Variants in ALDH3A1 observed in about 807,000 individuals in gnomAD.
ALDH3A1 encodes the protein aldehyde dehydrogenase 3 family member A1.
ALDH3A1 carries 46 observed loss-of-function variants against 49.9 expected under a neutral mutation model. That is an observed-to-expected ratio of 0.92 (90% CI 0.73 to 1.18). The LOEUF (loss-of-function observed/expected upper bound fraction) is 1.18. Among genes scored for constraint, ALDH3A1 ranks in the 50% most tolerant of loss-of-function variants. The probability of loss-of-function intolerance (pLI) is 0.00; values close to 1 mark genes in which losing one functional copy is unlikely to be tolerated. For synonymous variants in ALDH3A1, 269 were observed against 253.3 expected, an observed-to-expected ratio of 1.06 and a Z score of -0.59; for missense variants, 592 against 611.8, an observed-to-expected ratio of 0.97 and a Z score of 0.34.
In ALDH3A1 at chr17:19,743,082, A is replaced by G; in HGVS notation, c.394+150T>C. ...ACCTCAGGCACCAAGAGGCCTGGCT[A>G]AACAGCTTGGTCCCCACAGCCTCCT... On this transcript the variant is annotated intron_variant, in intron 3 of 10. Transcript: ENST00000225740. The surrounding 1 kb of genome is among the most constrained non-coding windows in gnomAD (Gnocchi z 4.4). 1 of 1,534,742 alleles carries G rather than the reference A, an allele frequency of 6.5e-7. No homozygotes were observed. The highest frequency in any genetic ancestry group is 8.7e-7 in the Non-Finnish European group (1 of 1,146,384).
chr17:19,739,557 T>C lies in ALDH3A1; in HGVS notation c.1067A>G (p.Asn356Ser). Residue 356 changes from asparagine to serine, a missense_variant, in exon 8 of 11, where the codon AAC (asparagine) becomes AGC (serine). By Grantham distance (46) the Asn-to-Ser change is conservative (BLOSUM62 1). Transcript: ENST00000225740. ...GAGGGCCAGGGGCTTCTCACGCTGG[T>C]TGATGAACTGGATGGCCTCCTCCAG... ...RSLEEAIQFI[N>S]QREKPLALYM... 6.2e-7 allele frequency: 1 copy of C among 1,613,398 alleles called. No homozygotes were observed.
At chr17:19,746,639 G>A (rs1370082200) in intron 1 of ALDH3A1, among the ~76,000 whole-genome samples, 2 of 138,486 alleles carry the variant, frequency 1.4e-5, no homozygotes, top group Non-Finnish European at 3.0e-5. Flanking sequence ...GTGTGTGTGC[G>A]TGTGCGTGTG....
Position 19,743,919 on chromosome 17 carries a change from G to A in ALDH3A1, c.163-456C>T. ...GTCTGGAGGGGGATGCAGGACCAAG[G>A]GCTGCTGGGCGCTCAGGGCCTCCTG... is the stretch of plus-strand genomic sequence containing the variant. On this transcript the variant is annotated intron_variant, in intron 2 of 10. Coordinates refer to ENST00000225740, the MANE Select transcript of ALDH3A1 (RefSeq NM_000691.5). This position sits in a 1 kb window ranked among gnomAD's most constrained non-coding sequence, Gnocchi z 4.4. 4 of 985,298 alleles carry A rather than the reference G, an allele frequency of 4.1e-6. No individual in the cohort carries two copies. Among genetic ancestry groups the A allele is most frequent in the Non-Finnish European group, 4.8e-6 (4 of 829,880 alleles). 61.0% of individuals were successfully genotyped at this position (985,298 alleles called of 1,614,324 possible).
At chr17:19,738,479 C>A (rs752281981) in intron 9 of ALDH3A1, 26 bp from the exon 10 acceptor site, 2 of 1,597,014 alleles carry the variant, frequency 1.3e-6, no homozygotes, top group Non-Finnish European at 1.7e-6. Context: ...AAGCACAGGG[C>A]TCAGCATCCT....
At position 19,743,390 on chromosome 17, in the gene ALDH3A1, G is replaced by A. The variant is rs147115158; in HGVS notation, c.236C>T (p.Pro79Leu). The change falls in exon 3 of 11, where the codon CCT (proline) becomes CTT (leucine). Residue 79 changes from proline to leucine, a missense_variant. Transcript: ENST00000225740. The surrounding 1 kb of genome is among the most constrained non-coding windows in gnomAD (Gnocchi z 4.4). ...CACGGGCTCATCCGCGGCCCACTCAGGGAGCTTCTGGATCATGTACTCGAT... is the reference window on the plus strand; with the variant it reads ...CACGGGCTCATCCGCGGCCCACTCAAGGAGCTTCTGGATCATGTACTCGAT... ...EEIEYMIQKL[P>L]EWAADEPVEK... 1.8e-4 allele frequency: 287 copies of A among 1,614,018 alleles called. No individual in the cohort carries two copies. The highest frequency in any genetic ancestry group is 4.2e-4 in the Admixed American group (25 of 60,002).
At position 19,740,356 on chromosome 17, in the gene ALDH3A1, T is replaced by C; in HGVS notation, c.929A>G (p.Asp310Gly). The C allele has an allele frequency of 6.2e-7, 1 of 1,613,980 alleles. No individual in the cohort carries two copies. The highest frequency in any genetic ancestry group is 8.5e-7 in the Non-Finnish European group (1 of 1,179,982). Residue 310 changes from aspartate (D) to glycine (G), a missense_variant, in exon 7 of 11, where the codon GAT (aspartate) becomes GGT (glycine). Coordinates refer to ENST00000225740, the MANE Select transcript of ALDH3A1 (RefSeq NM_000691.5). ...GQKVAYGGTGDAATRYIAPTI... is the reference protein window; with the variant it reads ...GQKVAYGGTGGAATRYIAPTI... ...CGCACCTATGTAGCGAGTGGCGGCA[T>C]CCCCGGTGCCCCCATAAGCCACCTT...
At chr17:19,745,215 G>A in intron 1 of ALDH3A1, 81 bp from the exon 2 acceptor site, 1 of 1,403,310 alleles carries the variant, frequency 7.1e-7, no homozygotes, top group Non-Finnish European at 9.4e-7. Context: ...CTATAGGAAG[G>A]GACTTCCCTG....
In ALDH3A1 at chr17:19,743,400, G is replaced by GGATCATGTACTC. The variant is rs776294769; in HGVS notation, c.214_225dup (p.Glu72_Ile75dup). On this transcript the variant is annotated inframe_insertion, in exon 3 of 11. Transcript: ENST00000225740. This position sits in a 1 kb window ranked among gnomAD's most constrained non-coding sequence, Gnocchi z 4.4. ...TCCGCGGCCCACTCAGGGAGCTTCT[G>GGATCATGTACTC]GATCATGTACTCGATCTCCTCTAGG... 1 of 1,614,120 alleles carries GGATCATGTACTC rather than the reference G, an allele frequency of 6.2e-7. No individual in the cohort carries two copies. Among genetic ancestry groups the GGATCATGTACTC allele is most frequent in the Admixed American group, 1.7e-5 (1 of 60,020 alleles).
chr17:19,744,106 T>C, intron 2 of ALDH3A1: 3 of 985,350 alleles, frequency 3.0e-6, no homozygotes, highest in Non-Finnish European at 2.4e-6. Flanking sequence ...TCTTGAAAAG[T>C]GCAGTAGCAG....
intron 1 of ALDH3A1, chr17:19,745,659 C>T (rs2086586440): frequency 6.6e-6 from 1 of 152,404 alleles, no homozygotes. Flanking sequence ...GTAAACCACG[C>T]GTGCCACACC....
chr17:19,740,534 G>C (rs1184049181), intron 6 of ALDH3A1, 57 bp from the exon 7 acceptor site: 2 of 1,596,124 alleles, frequency 1.3e-6, no homozygotes, highest in African/African-American at 2.7e-5. Context: ...CCTGCCCAAA[G>C]GCTGCACAGA....
chr17:19,747,317 A>G (rs2086613691), intron 1 of ALDH3A1, among the ~76,000 whole-genome samples: 1 of 151,998 alleles, frequency 6.6e-6, no homozygotes, highest in South Asian at 2.1e-4. Context: ...TGGCCCTTCC[A>G]TGGTCCCTCC....
chr17:19,745,242 A>C, intron 1 of ALDH3A1, 108 bp from the exon 2 acceptor site: 1 of 1,229,720 alleles, frequency 8.1e-7, no homozygotes, highest in Non-Finnish European at 1.1e-6. Context: ...GCCTTGGGGA[A>C]AATGGCCTTT....
At position 19,741,172 on chromosome 17, in the gene ALDH3A1, G is replaced by C; in HGVS notation, c.728C>G (p.Thr243Ser). 6.2e-7 allele frequency: 1 copy of C among 1,614,064 alleles called. No individual in the cohort carries two copies. Among genetic ancestry groups the C allele is most frequent in the East Asian group, 2.2e-5 (1 of 44,866 alleles). The change falls in exon 6 of 11, where the codon ACC (threonine) becomes AGC (serine). Residue 243 changes from threonine (T) to serine (S), a missense_variant. Physicochemically the swap from Thr to Ser is moderately conservative, Grantham distance 58. Transcript: ENST00000225740. ...GAGGATGTAGTCAGGGGCCACGCAG[G>C]TCTGGCCACTGTTCATGAATTTCCC... ...AWGKFMNSGQTCVAPDYILCD... is the reference protein window; with the variant it reads ...AWGKFMNSGQSCVAPDYILCD...
Position 19,740,592 on chromosome 17 carries a change from C to A in ALDH3A1, c.808-115G>T, listed in dbSNP as rs998364815. ...TTGGGTGGTGGGATTCTGGGTGGAG[C>A]TTTTTTCTTCTTTATGCTTTTTAAT... On this transcript the variant is annotated intron_variant, in intron 6 of 10. Coordinates refer to ENST00000225740, the MANE Select transcript of ALDH3A1 (RefSeq NM_000691.5). 62 of 1,143,090 alleles carry A rather than the reference C, an allele frequency of 5.4e-5. No homozygotes were observed. In the African/African-American group the frequency reaches 8.9e-4, roughly 16 times the overall value. 70.8% of individuals were successfully genotyped at this position (1,143,090 alleles called of 1,614,324 possible).
intron 1 of ALDH3A1, among the ~76,000 whole-genome samples, chr17:19,746,726 C>T (rs1437833697): frequency 2.0e-5 from 3 of 147,300 alleles, no homozygotes; most frequent in Non-Finnish European, 3.0e-5. Flanking sequence ...CGTGTGTGTG[C>T]GCGCGTGTGC....
intron 2 of ALDH3A1, chr17:19,744,484 G>A: frequency 1.0e-6 from 1 of 985,438 alleles, no homozygotes; most frequent in Non-Finnish European, 1.2e-6. Flanking sequence ...CCGGAGCGCT[G>A]GACCCCAGGC....
chr17:19,742,147 G>A lies in ALDH3A1; in HGVS notation c.546C>T (p.Asp182=), dbSNP rs1179849898. The change falls in exon 5 of 11, where the codon GAC becomes GAT. Residue 182 remains aspartate (D), a synonymous_variant. Transcript: ENST00000225740. Reference sequence around the variant, plus strand: ...CCGTGCTGCCCGTGTACAGGATATGGTCGAACCTCTCCTTGAGCAGCTCCG... The same window carrying A: ...CCGTGCTGCCCGTGTACAGGATATGATCGAACCTCTCCTTGAGCAGCTCCG... ...ETTELLKERF[D]HILYTGSTGV... 7 of 1,613,964 alleles carry A rather than the reference G, an allele frequency of 4.3e-6. No individual in the cohort carries two copies. Among genetic ancestry groups the A allele is most frequent in the Non-Finnish European group, 5.9e-6 (7 of 1,180,026 alleles).
At chr17:19,745,408 G>C (rs1331188256) in intron 1 of ALDH3A1, 1 of 445,158 alleles carries the variant, frequency 2.2e-6, no homozygotes, top group East Asian at 3.9e-5. Context: ...GCGTGCTCGC[G>C]GCAGGGCCTT....
Sources: allele counts gnomAD v4.1 joint callset (sites outside exome capture counted in the v4.1 genomes callset), GRCh38; gene constraint gnomAD v4.1.1; non-coding constraint Gnocchi (gnomAD v3.1); transcripts MANE v1.5; gene names NCBI Gene and HGNC (gene_info 2026-07-23, HGNC 2026-07-21).